Variants in SRPK2 observed in about 807,000 individuals in gnomAD.
SRPK2 encodes SFRS protein kinase 2.
SRPK2 carries 21 observed loss-of-function variants against 90.8 expected under a neutral mutation model. The ratio of observed to expected loss-of-function variants is 0.23; its 90% CI spans 0.16 to 0.33. SRPK2 has a LOEUF of 0.33. Ranked by LOEUF, SRPK2 falls within the 10% of genes least tolerant of loss-of-function variation. The pLI, the probability that SRPK2 is intolerant of heterozygous loss-of-function variation, is 1.00. For missense variants in SRPK2, 620 were observed against 869.0 expected, an observed-to-expected ratio of 0.71 and a Z score of 3.60; for synonymous variants, 288 against 311.1, an observed-to-expected ratio of 0.93 and a Z score of 0.78.
chr7:105,279,776 T>C (rs531431842), intron 2 of SRPK2, among the ~76,000 whole-genome samples: 3 of 152,352 alleles, frequency 2.0e-5, no homozygotes, highest in African/African-American at 7.2e-5. Context: ...GTATCATTAA[T>C]AGTTAATCCA....
At chr7:105,118,374 T>C (rs889597149) in intron 15 of SRPK2, among the ~76,000 whole-genome samples, 1 of 152,182 alleles carries the variant, frequency 6.6e-6, no homozygotes, top group African/African-American at 2.4e-5. Context: ...TCCGTAAAAT[T>C]TGCAAACTTG....
chr7:105,394,908 C>T (rs948056475), intron 1 of SRPK2, among the ~76,000 whole-genome samples: 7 of 152,238 alleles, frequency 4.6e-5, no homozygotes, highest in South Asian at 4.1e-4. Flanking sequence ...CGGTGGCTTA[C>T]GCCTGTAATC....
At chr7:105,294,962 G>A (rs189885106) in intron 2 of SRPK2, among the ~76,000 whole-genome samples, 64 of 152,176 alleles carry the variant, frequency 4.2e-4, no homozygotes, top group Non-Finnish European at 8.2e-4. Context: ...TCTAATCCCA[G>A]CACTTTGGGA....
chr7:105,334,373 C>A (rs548451948), intron 2 of SRPK2, among the ~76,000 whole-genome samples: 5 of 151,956 alleles, frequency 3.3e-5, no homozygotes, highest in African/African-American at 4.8e-5. Flanking sequence ...CCACCACGCC[C>A]GGCCAATGCC....
chr7:105,319,292 T>C (rs1364001007), intron 2 of SRPK2, among the ~76,000 whole-genome samples: 1 of 152,118 alleles, frequency 6.6e-6, no homozygotes, highest in Non-Finnish European at 1.5e-5. Flanking sequence ...AATAATCTAC[T>C]ACCATAGGTT....
At chr7:105,248,692 G>A (rs1469983507) in intron 2 of SRPK2, among the ~76,000 whole-genome samples, 1 of 152,086 alleles carries the variant, frequency 6.6e-6, no homozygotes, top group East Asian at 1.9e-4. Context: ...TGTAATCCCA[G>A]CACTTTAGGA....
intron 2 of SRPK2, among the ~76,000 whole-genome samples, chr7:105,351,115 T>C (rs180921685): frequency 7.9e-5 from 12 of 152,172 alleles, no homozygotes; most frequent in Admixed American, 7.9e-4. Flanking sequence ...ATTCATGGAT[T>C]AATGAGTTAA....
intron 1 of SRPK2, among the ~76,000 whole-genome samples, chr7:105,395,498 G>A (rs541732631): frequency 6.6e-6 from 1 of 151,958 alleles, no homozygotes; most frequent in South Asian, 2.1e-4. Context: ...GGGAGGCCAA[G>A]GCGGGCGAAT....
chr7:105,235,594 C>A (rs1800028271), intron 2 of SRPK2, among the ~76,000 whole-genome samples: 1 of 152,150 alleles, frequency 6.6e-6, no homozygotes, highest in Non-Finnish European at 1.5e-5. Flanking sequence ...TGGTTTTATA[C>A]ACAAACAAAT....
intron 2 of SRPK2, among the ~76,000 whole-genome samples, chr7:105,385,302 T>C (rs1233936593): frequency 1.4e-5 from 2 of 144,340 alleles, no homozygotes; most frequent in Non-Finnish European, 3.0e-5. Context: ...CGCCTCAGCC[T>C]CCCGAGTAGC....
At chr7:105,175,478 C>T (rs1467763969) in intron 3 of SRPK2, among the ~76,000 whole-genome samples, 1 of 151,854 alleles carries the variant, frequency 6.6e-6, no homozygotes, top group East Asian at 1.9e-4. Flanking sequence ...AAATAGCAAA[C>T]TTAACCCAAA....
At chr7:105,381,279 T>C (rs2132658553) in intron 2 of SRPK2, among the ~76,000 whole-genome samples, 1 of 151,376 alleles carries the variant, frequency 6.6e-6, no homozygotes, top group Non-Finnish European at 1.5e-5. Flanking sequence ...AAAATGACAA[T>C]ATTAAAATGA....
At chr7:105,174,343 T>A (rs1276758264) in intron 3 of SRPK2, among the ~76,000 whole-genome samples, 1 of 152,210 alleles carries the variant, frequency 6.6e-6, no homozygotes, top group Non-Finnish European at 1.5e-5. Context: ...AAATAGATTC[T>A]ATTTATGGAG....
At chr7:105,203,587 T>C (rs1795826760) in intron 3 of SRPK2, 41 bp downstream of exon 3, 2 of 1,454,316 alleles carry the variant, frequency 1.4e-6, no homozygotes, top group South Asian at 1.5e-5. Context: ...CACAGCCCAA[T>C]GGGGAAGGCA....
At chr7:105,255,941 G>T (rs80150851) in intron 2 of SRPK2, among the ~76,000 whole-genome samples, 1 of 57,572 alleles carries the variant, frequency 1.7e-5, no homozygotes, top group African/African-American at 4.5e-5. Context: ...AAAAAAAAAA[G>T]AGAGAGAGCG....
chr7:105,176,989 T>C (rs921257580), intron 3 of SRPK2, among the ~76,000 whole-genome samples: 24 of 152,190 alleles, frequency 1.6e-4, no homozygotes, highest in Non-Finnish European at 1.0e-4. Context: ...TTTGATCACT[T>C]TTCTAATGGA....
intron 7 of SRPK2, among the ~76,000 whole-genome samples, chr7:105,147,474 C>T (rs191501249): frequency 1.3e-5 from 2 of 152,208 alleles, no homozygotes; most frequent in East Asian, 1.9e-4. Flanking sequence ...TATGCCACCA[C>T]GCCTGGCTAA....
chr7:105,358,054 T>A (rs1382942406), intron 2 of SRPK2, among the ~76,000 whole-genome samples: 2 of 151,542 alleles, frequency 1.3e-5, no homozygotes, highest in Non-Finnish European at 2.9e-5. Flanking sequence ...TAAAACCCTG[T>A]CTCTAGTAAA....
chr7:105,269,509 G>GCAGTA (rs1234523956), intron 2 of SRPK2, among the ~76,000 whole-genome samples: 1 of 152,072 alleles, frequency 6.6e-6, no homozygotes, highest in African/African-American at 2.4e-5. Flanking sequence ...CTCCTCCTTA[G>GCAGTA]CAGTACAGTA....
Sources: gnomAD v4.1 joint callset for allele counts (sites outside exome capture counted in the v4.1 genomes callset) on GRCh38, gnomAD v4.1.1 for gene constraint, MANE v1.5 for transcripts, NCBI Gene and HGNC (gene_info 2026-07-23, HGNC 2026-07-21) for gene names.